FYCO1: variants seen among roughly 807,000 people sequenced by gnomAD.
FYCO1 encodes the protein FYVE and coiled-coil domain-containing protein 1.
FYCO1 carries 122 observed loss-of-function variants against 165.1 expected under a neutral mutation model. The observed-to-expected ratio is 0.74, with a 90% CI of 0.64 to 0.86. The LOEUF (loss-of-function observed/expected upper bound fraction) is 0.86. Among genes scored for constraint, FYCO1 ranks in the 40% least tolerant of loss-of-function variants. The pLI is 0.00. For missense variants in FYCO1, 1,702 were observed against 1,810.3 expected (o/e 0.94, Z 1.09); for synonymous variants, 648 against 742.5 (o/e 0.87, Z 2.07).
chr3:45,937,202 T>A (rs994924670), intron 14 of FYCO1, among the ~76,000 whole-genome samples: 1 of 152,090 alleles, frequency 6.6e-6, no homozygotes, highest in Non-Finnish European at 1.5e-5. Context: ...CCCAACCAGC[T>A]CCACTCCCCA....
intron 6 of FYCO1, 30 bp from the exon 7 acceptor site, chr3:45,969,795 A>G: frequency 6.3e-7 from 1 of 1,592,708 alleles, no homozygotes; most frequent in Non-Finnish European, 8.6e-7. Flanking sequence ...ACATACCTGT[A>G]TTCAGAGCAG....
chr3:45,939,366 G>A (rs555804920), intron 14 of FYCO1, among the ~76,000 whole-genome samples: 2 of 152,288 alleles, frequency 1.3e-5, no homozygotes, highest in Non-Finnish European at 2.9e-5. Flanking sequence ...ATAAAGTGGT[G>A]AGCACAAATC....
In FYCO1 at chr3:45,962,449, C is replaced by T; in HGVS notation, c.3270-57G>A. ...GCCAGGACTTCCAGCTTTCCCAGGGCTCTAAGCTCACCCAGGACTCTAATG... is the reference window on the plus strand; with the variant it reads ...GCCAGGACTTCCAGCTTTCCCAGGGTTCTAAGCTCACCCAGGACTCTAATG... On this transcript the variant is annotated intron_variant, in intron 10 of 17. Coordinates refer to ENST00000296137, the MANE Select transcript of FYCO1 (RefSeq NM_024513.4). The surrounding 1 kb of genome is among the most constrained non-coding windows in gnomAD (Gnocchi z 4.4). 2 of 1,527,020 alleles carry T rather than the reference C, an allele frequency of 1.3e-6. No homozygotes were observed. The highest frequency in any genetic ancestry group is 1.8e-6 in the Non-Finnish European group (2 of 1,100,742). The allele number at this position is 1,527,020 out of a possible 1,614,324, so 94.6% of individuals were successfully genotyped here. A position where few individuals can be genotyped will look rare whatever the true frequency, so the allele number is the denominator to read the frequency against.
intron 14 of FYCO1, among the ~76,000 whole-genome samples, chr3:45,938,912 TGTAA>T (rs1704047410): frequency 6.6e-6 from 1 of 152,320 alleles, no homozygotes; most frequent in African/African-American, 2.4e-5. Flanking sequence ...TGTCAAGGGA[TGTAA>T]GAGCTTGAGA....
Position 45,968,043 on chromosome 3 carries a change from G to A in FYCO1, c.1291C>T (p.Leu431=). ...TCTTTCAGCTGAAGCTCCTTGACCA[G>A]CTGTTCCAGTTGGGCACTCTGCTGT... The part of the protein sequence containing the change: ...NRQQSAQLEQ[L]VKELQLKEDA... The change falls in exon 8 of 18, where the codon CTG becomes TTG. Residue 431 remains leucine (L), a synonymous_variant. Coordinates refer to ENST00000296137, the MANE Select transcript of FYCO1 (RefSeq NM_024513.4). The A allele has an allele frequency of 1.2e-6, 2 of 1,614,118 alleles. No individual in the cohort carries two copies. The highest frequency in any genetic ancestry group is 1.7e-6 in the Non-Finnish European group (2 of 1,180,030).
chr3:45,970,312 G>A (rs555269665), intron 6 of FYCO1, among the ~76,000 whole-genome samples: 2 of 152,182 alleles, frequency 1.3e-5, no homozygotes, highest in South Asian at 4.1e-4. Context: ...CAGGAACACT[G>A]GAAACGAAAC....
rs1702992178 is a variant in FYCO1, at chr3:45,918,651, T to C, written c.*3114A>G. The stretch of plus-strand genomic sequence containing the variant: ...ATATCATAAAACACAGGCTCTGTGA[T>C]TTCATCCCCAACTGGCGATTTCCTT... On this transcript the variant is annotated 3_prime_UTR_variant, in exon 18 of 18. Transcript: ENST00000296137. 6.6e-6 allele frequency: 1 copy of C among 152,210 alleles called. No individual in the cohort carries two copies. Among genetic ancestry groups the C allele is most frequent in the South Asian group, 2.1e-4 (1 of 4,824 alleles). 9.4% of individuals were successfully genotyped at this position (152,210 alleles called of 1,614,324 possible).
At chr3:45,978,880 G>A (rs1482705072) in intron 4 of FYCO1, among the ~76,000 whole-genome samples, 1 of 144,690 alleles carries the variant, frequency 6.9e-6, no homozygotes, top group African/African-American at 2.5e-5. Context: ...TTTTTGAGAC[G>A]GAGTCTCGCT....
In FYCO1 at chr3:45,921,368, G is replaced by C. The variant is rs953191670; in HGVS notation, c.*397C>G. 4.3e-5 allele frequency: 14 copies of C among 327,502 alleles called. No individual in the cohort carries two copies. Among genetic ancestry groups the C allele is most frequent in the Non-Finnish European group, 6.6e-5 (11 of 167,910 alleles). The allele number at this position is 327,502 out of a possible 1,614,324, so 20.3% of individuals were successfully genotyped here. A position where few individuals can be genotyped will look rare whatever the true frequency, so the allele number is the denominator to read the frequency against. On this transcript the variant is annotated 3_prime_UTR_variant, in exon 18 of 18. Transcript: ENST00000296137. The stretch of plus-strand genomic sequence containing the variant: ...CTCAGTCTCCAACATGCAGGGCCCT[G>C]GTGGGGCAGGGCAGAAAATCTCTCC...
At chr3:45,961,577 C>CA (rs34367507) in intron 11 of FYCO1, among the ~76,000 whole-genome samples, 198 of 119,754 alleles carry the variant, frequency 1.7e-3, no homozygotes, top group South Asian at 6.3e-3. Flanking sequence ...GACTCTGTCT[C>CA]AAAAAAAAAA....
chr3:45,950,204 T>C (rs2125827964), intron 14 of FYCO1, among the ~76,000 whole-genome samples: 1 of 152,148 alleles, frequency 6.6e-6, no homozygotes, highest in East Asian at 1.9e-4. Context: ...AGGCTGGGTG[T>C]GGGCTCTGCT....
chr3:45,990,338 G>A lies in FYCO1; in HGVS notation c.-112-5316C>T, dbSNP rs373830200. Among the ~76,000 whole-genome samples, 3 of 152,284 alleles carry A rather than the reference G, an allele frequency of 2.0e-5. No homozygotes were observed. The South Asian group carries it at 6.2e-4, about 32-fold the overall frequency. On this transcript the variant is annotated intron_variant, in intron 1 of 17. Transcript: ENST00000296137. ...CAGTGGGTGGAGCTCTGACCTTTAA[G>A]GAACTCAGGCTCAGCAGGAGAAATA...
At chr3:45,955,499 G>A (rs1478334315) in intron 13 of FYCO1, 106 bp from the exon 14 acceptor site, 1 of 1,249,122 alleles carries the variant, frequency 8.0e-7, no homozygotes, top group African/African-American at 1.5e-5. Context: ...TGCAGAACAA[G>A]CTGCTGAGGC....
rs368641714 is a variant in FYCO1, at chr3:45,936,532, G to A, written c.3956C>T (p.Ser1319Leu). The change falls in exon 15 of 18, where the codon TCA (serine) becomes TTA (leucine). Residue 1319 changes from serine (S) to leucine (L), a missense_variant. Physicochemically the swap from Ser to Leu is moderately radical, Grantham distance 145 (BLOSUM62 -2). Coordinates refer to ENST00000296137, the MANE Select transcript of FYCO1 (RefSeq NM_024513.4). ...AGTGTCCTCAGGCGTTAGCGAGGTT[G>A]ATGTAGTATCCCTGAAATGTCACAA... ...DPNAAEQDTTSTSLTPEDTED... is the reference protein window; with the variant it reads ...DPNAAEQDTTLTSLTPEDTED... The A allele has an allele frequency of 3.7e-6, 6 of 1,611,112 alleles. No individual in the cohort carries two copies. Among genetic ancestry groups the A allele is most frequent in the African/African-American group, 1.3e-5 (1 of 74,902 alleles).
rs552706271 is a variant in FYCO1 at position 45,930,914 on chromosome 3, C to T, written c.4251+157G>A. Reference sequence around the variant, plus strand: ...TTCTCTCCCCAAACTGGACAAGGCCCAGGTGCTCTGCCTTCTCTGCATGAT... The same window carrying T: ...TTCTCTCCCCAAACTGGACAAGGCCTAGGTGCTCTGCCTTCTCTGCATGAT... On this transcript the variant is annotated intron_variant, in intron 16 of 17. Coordinates refer to ENST00000296137, the MANE Select transcript of FYCO1 (RefSeq NM_024513.4). Among the ~76,000 whole-genome samples the T allele has an allele frequency of 9.8e-5, 15 of 152,374 alleles. No individual in the cohort carries two copies. The East Asian group carries it at 2.9e-3, about 29-fold the overall frequency.
intron 1 of FYCO1, among the ~76,000 whole-genome samples, chr3:45,995,133 A>G (rs1707745142): frequency 6.7e-6 from 1 of 149,184 alleles, no homozygotes; most frequent in South Asian, 2.2e-4. Flanking sequence ...TGTTTCGGGA[A>G]AAGACCCCTG....
chr3:45,955,321 A>G lies in FYCO1; in HGVS notation c.3872T>C (p.Ile1291Thr). 4 of 1,614,182 alleles carry G rather than the reference A, an allele frequency of 2.5e-6. No homozygotes were observed. Among genetic ancestry groups the G allele is most frequent in the Non-Finnish European group, 3.4e-6 (4 of 1,180,024 alleles). Residue 1291 changes from isoleucine (I) to threonine (T), a missense_variant, in exon 14 of 18, where the codon ATA becomes ACA. Transcript: ENST00000296137. Reference protein sequence around the residue: ...DIITDEELCQIQESGSSLPET... With the variant: ...DIITDEELCQTQESGSSLPET... ...AGGCAAAGAGGAGCCGGACTCCTGT[A>G]TCTGGCACAATTCCTCATCTGTGAT...
rs79067698 is a variant in FYCO1, at chr3:45,993,068, A to T, written c.-113+2654T>A. Reference sequence around the variant, plus strand: ...TTGGCCAGATCAGCCCTTGGGTCCCAGCCACAGGGCCACAATACTATACCC... The same window carrying T: ...TTGGCCAGATCAGCCCTTGGGTCCCTGCCACAGGGCCACAATACTATACCC... On this transcript the variant is annotated intron_variant, in intron 1 of 17. Coordinates refer to ENST00000296137, the MANE Select transcript of FYCO1 (RefSeq NM_024513.4). The surrounding 1 kb of genome is among the most constrained non-coding windows in gnomAD (Gnocchi z 4.4). Among the ~76,000 whole-genome samples the T allele has an allele frequency of 1.3e-3, 196 of 152,310 alleles. 1 individual carries two copies. Among genetic ancestry groups the T allele is most frequent in the Middle Eastern group, 0.01 (3 of 294 alleles).
At chr3:45,942,870 G>A (rs906616359) in intron 14 of FYCO1, among the ~76,000 whole-genome samples, 1 of 152,190 alleles carries the variant, frequency 6.6e-6, no homozygotes, top group Non-Finnish European at 1.5e-5. Context: ...AGGTGGGGCT[G>A]CACCAGGCCC....
Sources: gnomAD v4.1 joint callset for allele counts (sites outside exome capture counted in the v4.1 genomes callset) on GRCh38, gnomAD v4.1.1 for gene constraint, Gnocchi (gnomAD v3.1) non-coding constraint, MANE v1.5 for transcripts, NCBI Gene and HGNC (gene_info 2026-07-23, HGNC 2026-07-21) for gene names.